The following FCRL5 variants were observed in gnomAD, a reference collection of about 807,000 sequenced individuals.
The protein encoded by FCRL5 is Fc receptor-like protein 5.
A neutral mutation model predicts 92.1 loss-of-function variants in FCRL5; 79 were observed. The ratio of observed to expected loss-of-function variants is 0.86; its 90% CI spans 0.72 to 1.03. FCRL5 has a LOEUF of 1.03. Among genes scored for constraint, FCRL5 ranks in the 50% least tolerant of loss-of-function variants. The pLI, the probability that FCRL5 is intolerant of heterozygous loss-of-function variation, is 0.00. For synonymous variants in FCRL5, 466 were observed against 469.3 expected (o/e 0.99, Z 0.09); for missense variants, 1,160 against 1,181.1 (o/e 0.98, Z 0.26).
chr1:157,515,608 C>G lies in FCRL5; in HGVS notation c.*67G>C. 6.2e-7 allele frequency: 1 copy of G among 1,613,824 alleles called. No individual in the cohort carries two copies. ...CAGCCTAAATCTTCCCACTTCAATGCTGCTTCTCCCCCAAGGGGAACTTTG... is the reference window on the plus strand; with the variant it reads ...CAGCCTAAATCTTCCCACTTCAATGGTGCTTCTCCCCCAAGGGGAACTTTG... On this transcript the variant is annotated 3_prime_UTR_variant, in exon 17 of 17. Transcript: ENST00000361835.
In FCRL5 at chr1:157,520,416, C is replaced by T. The variant is rs1466584684; in HGVS notation, c.2632+15G>A. 2 of 1,550,806 alleles carry T rather than the reference C, an allele frequency of 1.3e-6. No individual in the cohort carries two copies. The highest frequency in any genetic ancestry group is 1.8e-5 in the Admixed American group (1 of 54,226). On this transcript the variant is annotated intron_variant, in intron 12 of 16. Transcript: ENST00000361835. The stretch of plus-strand genomic sequence containing the variant: ...GGGCATGAACTCAAGCCAAGGTGTG[C>T]CCAGAGTCACCCACCTGCTTTTCTC...
chr1:157,529,753 G>T (rs1650605056), intron 8 of FCRL5, among the ~76,000 whole-genome samples: 1 of 152,162 alleles, frequency 6.6e-6, no homozygotes, highest in African/African-American at 2.4e-5. Context: ...CTTATCAGTG[G>T]GAGCTAAGCT....
intron 9 of FCRL5, among the ~76,000 whole-genome samples, chr1:157,526,707 G>A (rs1376191297): frequency 6.6e-6 from 1 of 152,174 alleles, no homozygotes; most frequent in African/African-American, 2.4e-5. Flanking sequence ...ACTCAATTTG[G>A]TGGTGGGAGT....
chr1:157,518,320 G>C (rs780821089), intron 15 of FCRL5, 109 bp downstream of exon 15: 10 of 889,930 alleles, frequency 1.1e-5, no homozygotes, highest in Admixed American at 6.1e-5. Flanking sequence ...TGACCCAGTG[G>C]GAGGGGCGGC....
chr1:157,541,561 C>G (rs2101635853), intron 6 of FCRL5, among the ~76,000 whole-genome samples: 1 of 152,368 alleles, frequency 6.6e-6, no homozygotes, highest in African/African-American at 2.4e-5. Flanking sequence ...TCACCACAAT[C>G]CTCTTCTCCT....
intron 8 of FCRL5, chr1:157,532,799 C>CA (rs1650757999): frequency 1.3e-5 from 2 of 152,142 alleles, no homozygotes; most frequent in African/African-American, 4.8e-5. Flanking sequence ...TTTGACGAGT[C>CA]TAATATGCAG....
intron 2 of FCRL5, among the ~76,000 whole-genome samples, chr1:157,548,747 AC>A: frequency 6.6e-6 from 1 of 152,340 alleles, no homozygotes; most frequent in East Asian, 1.9e-4. Context: ...ACCATATCAC[AC>A]CAGTTAGAAT....
rs569591830 is a variant in FCRL5 at position 157,544,334 on chromosome 1, A to T, written c.772T>A (p.Tyr258Asn). Residue 258 changes from tyrosine to asparagine, a missense_variant, in exon 5 of 17, where the codon TAC (tyrosine) becomes AAC (asparagine). Tyr to Asn is a moderately radical substitution (Grantham distance 143). Transcript: ENST00000361835. ...GGCATTGTTGCTGCCTTACACCAGT[A>T]GAACCCTGAATCTTTACTCCACATG... ...TAMWSKDSGF[Y>N]WCKAATMPYS... The T allele has an allele frequency of 6.2e-7, 1 of 1,614,244 alleles. No homozygotes were observed. Among genetic ancestry groups the T allele is most frequent in the East Asian group, 2.2e-5 (1 of 44,884 alleles).
At chr1:157,535,380 T>G (rs1650923195) in intron 7 of FCRL5, among the ~76,000 whole-genome samples, 1 of 152,230 alleles carries the variant, frequency 6.6e-6, no homozygotes, top group Admixed American at 6.5e-5. Flanking sequence ...TACATTTTGG[T>G]GTGTTTAACT....
chr1:157,544,210 C>G, intron 5 of FCRL5, 52 bp downstream of exon 5: 1 of 1,596,522 alleles, frequency 6.3e-7, no homozygotes, highest in Non-Finnish European at 8.6e-7. Context: ...GCAGCCCTGT[C>G]CCACTTTTCC....
intron 3 of FCRL5, among the ~76,000 whole-genome samples, chr1:157,545,719 G>A (rs1571110944): frequency 1.3e-5 from 2 of 151,820 alleles, no homozygotes; most frequent in South Asian, 2.1e-4. Flanking sequence ...TAGTAGAGAC[G>A]GGGTTTCATA....
chr1:157,531,221 T>A (rs968596366), intron 8 of FCRL5, among the ~76,000 whole-genome samples: 1 of 151,970 alleles, frequency 6.6e-6, no homozygotes, highest in African/African-American at 2.4e-5. Flanking sequence ...ATGAAAAAAA[T>A]GGTCAATATC....
At chr1:157,534,524 G>T (rs1212041751) in intron 8 of FCRL5, 90 bp downstream of exon 8, 5 of 1,491,234 alleles carry the variant, frequency 3.4e-6, no homozygotes, top group East Asian at 2.3e-5. Flanking sequence ...GATTAGGGGA[G>T]GAAACTGGAC....
intron 1 of FCRL5, among the ~76,000 whole-genome samples, 169 bp from the exon 2 acceptor site, chr1:157,549,749 T>C (rs1245465755): frequency 1.3e-5 from 2 of 152,082 alleles, no homozygotes; most frequent in Non-Finnish European, 2.9e-5. Context: ...AATATACATA[T>C]ATATACATAT....
intron 10 of FCRL5, chr1:157,522,524 T>G (rs538330069): frequency 3.9e-5 from 6 of 152,366 alleles, no homozygotes; most frequent in African/African-American, 1.4e-4. Context: ...CAGGTTTATC[T>G]TAATAATTAA....
chr1:157,544,410 G>T lies in FCRL5; in HGVS notation c.696C>A (p.Asp232Glu). 1 of 1,614,232 alleles carries T rather than the reference G, an allele frequency of 6.2e-7. No individual in the cohort carries two copies. The highest frequency in any genetic ancestry group is 8.5e-7 in the Non-Finnish European group (1 of 1,180,052). The change falls in exon 5 of 17, where the codon GAC (aspartate) becomes GAA (glutamate). Residue 232 changes from aspartate to glutamate, a missense_variant. By Grantham distance (45) the Asp-to-Glu change is conservative (BLOSUM62 2). Coordinates refer to ENST00000361835, the MANE Select transcript of FCRL5 (RefSeq NM_031281.3). Reference protein sequence around the residue: ...VPLRFRFFRDDQTLGLGWSLS... With the variant: ...VPLRFRFFRDEQTLGLGWSLS... ...GACTCCAGCCTAATCCCAGGGTCTG[G>T]TCATCTCTGAAGAAGCGGAACCGGA... is the stretch of plus-strand genomic sequence containing the variant.
intron 10 of FCRL5, chr1:157,522,064 T>G (rs1650223191): frequency 1.3e-5 from 2 of 152,250 alleles, no homozygotes; most frequent in Non-Finnish European, 2.9e-5. Context: ...AAAATGCAAC[T>G]GGCATAACTA....
At chr1:157,541,313 G>A (rs80245735) in intron 6 of FCRL5, among the ~76,000 whole-genome samples, 1 of 152,132 alleles carries the variant, frequency 6.6e-6, no homozygotes, top group African/African-American at 2.4e-5. Flanking sequence ...CCCCCAAACT[G>A]GCTGCTCTAT....
intron 10 of FCRL5, 151 bp downstream of exon 10, chr1:157,524,128 A>G (rs1650317093): frequency 4.2e-6 from 3 of 708,592 alleles, no homozygotes; most frequent in South Asian, 4.1e-5. Context: ...AGGATCCGAG[A>G]CTTTCACAGG....
Sources: gnomAD v4.1 joint callset for allele counts (sites outside exome capture counted in the v4.1 genomes callset) on GRCh38, gnomAD v4.1.1 for gene constraint, MANE v1.5 for transcripts, NCBI Gene and HGNC (gene_info 2026-07-23, HGNC 2026-07-21) for gene names.